Variants in VCL observed in about 807,000 individuals in gnomAD.
The protein encoded by VCL is vinculin, also known as epididymis luminal protein 114.
Under a neutral mutation model 125.7 loss-of-function variants are expected in VCL, and 47 were observed. That is an observed-to-expected ratio of 0.37 (90% CI 0.30 to 0.48). VCL has a LOEUF of 0.48. VCL is among the 20% of genes least tolerant of loss of function. The pLI, the probability that VCL is intolerant of heterozygous loss-of-function variation, is 0.99. For missense variants in VCL, 1,069 were observed against 1,455.5 expected (o/e 0.73, Z 4.32); for synonymous variants, 458 against 514.6 (o/e 0.89, Z 1.49).
chr10:74,070,239 G>A (rs569084784), intron 2 of VCL, among the ~76,000 whole-genome samples: 11 of 152,232 alleles, frequency 7.2e-5, no homozygotes, highest in African/African-American at 9.6e-5. Flanking sequence ...AAGAACTGAA[G>A]GATTTCAGTT....
rs1370592297 is a variant in VCL at position 74,118,398 on chromosome 10, T to C, written c.*229T>C. On this transcript the variant is annotated 3_prime_UTR_variant, in exon 22 of 22. Transcript: ENST00000211998. ...CCTGTATTCTCAAACACAGTTACACTTGTGCACCCTCTATCCCAATAGGCA... is the reference window on the plus strand; with the variant it reads ...CCTGTATTCTCAAACACAGTTACACCTGTGCACCCTCTATCCCAATAGGCA... 5 of 581,504 alleles carry C rather than the reference T, an allele frequency of 8.6e-6. No individual in the cohort carries two copies. Among genetic ancestry groups the C allele is most frequent in the Non-Finnish European group, 1.2e-5 (4 of 327,210 alleles). The allele number at this position is 581,504 out of a possible 1,614,324, so 36.0% of individuals were successfully genotyped here. A position where few individuals can be genotyped will look rare whatever the true frequency, so the allele number is the denominator to read the frequency against.
chr10:74,109,166 G>A lies in VCL; in HGVS notation c.2745+10G>A, dbSNP rs1489786669. 1 of 1,614,030 alleles carries A rather than the reference G, an allele frequency of 6.2e-7. No individual in the cohort carries two copies. The highest frequency in any genetic ancestry group is 2.2e-5 in the East Asian group (1 of 44,880). On this transcript the variant is annotated intron_variant, in intron 18 of 21. Transcript: ENST00000211998. ...CAAATGGTCCAGCAAGGTAAGTAGT[G>A]AAGCTTTTCTTGTTGAGAAAGGATG...
chr10:74,089,102 T>A, intron 8 of VCL, 94 bp from the exon 9 acceptor site: 1 of 1,563,038 alleles, frequency 6.4e-7, no homozygotes, highest in East Asian at 2.3e-5. Context: ...AAGCCAAGCA[T>A]GTTCATGAAA....
At chr10:74,034,807 T>C (rs1338768943) in intron 1 of VCL, among the ~76,000 whole-genome samples, 3 of 152,214 alleles carry the variant, frequency 2.0e-5, no homozygotes, top group Non-Finnish European at 4.4e-5. Context: ...GGATCACAAG[T>C]TCATCACCAC....
intron 1 of VCL, among the ~76,000 whole-genome samples, chr10:74,005,722 A>C (rs921943971): frequency 2.0e-5 from 3 of 152,200 alleles, no homozygotes; most frequent in Non-Finnish European, 4.4e-5. Flanking sequence ...TTACTTACAT[A>C]AAGTGGCATG....
intron 1 of VCL, among the ~76,000 whole-genome samples, chr10:74,000,791 G>A (rs370407618): frequency 6.6e-6 from 1 of 152,168 alleles, no homozygotes; most frequent in Non-Finnish European, 1.5e-5. Flanking sequence ...AATACACACT[G>A]TGAGACAAAT....
intron 1 of VCL, among the ~76,000 whole-genome samples, chr10:74,036,728 G>T (rs1840986915): frequency 6.6e-6 from 1 of 151,236 alleles, no homozygotes. Flanking sequence ...TAAAAAAGAA[G>T]CATTTGTTGA....
intron 2 of VCL, among the ~76,000 whole-genome samples, chr10:74,069,902 C>G (rs1022364249): frequency 6.6e-6 from 1 of 152,162 alleles, no homozygotes; most frequent in Non-Finnish European, 1.5e-5. Flanking sequence ...TTTGGCTGAT[C>G]TGGTTACTTA....
chr10:74,075,602 T>A (rs2136275974), intron 6 of VCL: 1 of 152,870 alleles, frequency 6.5e-6, no homozygotes, highest in East Asian at 1.9e-4. Context: ...GGAACAGAGA[T>A]ACTTGGGTTC....
intron 18 of VCL, among the ~76,000 whole-genome samples, chr10:74,110,313 A>T (rs572781305): frequency 6.6e-6 from 1 of 152,334 alleles, no homozygotes; most frequent in Admixed American, 6.5e-5. Flanking sequence ...TGAATTATTT[A>T]AAAAAACAAA....
intron 14 of VCL, among the ~76,000 whole-genome samples, chr10:74,102,098 C>T (rs369889206): frequency 2.9e-4 from 44 of 152,142 alleles, no homozygotes; most frequent in African/African-American, 1.0e-3. Context: ...AACTCCTGAC[C>T]TCATGATCCG....
intron 6 of VCL, chr10:74,076,284 G>A (rs376062399): frequency 1.3e-5 from 2 of 152,830 alleles, no homozygotes; most frequent in Admixed American, 6.5e-5. Flanking sequence ...GAGACTGACT[G>A]TGGCTCATAT....
At chr10:74,102,963 T>G (rs1840082886) in intron 14 of VCL, among the ~76,000 whole-genome samples, 1 of 150,928 alleles carries the variant, frequency 6.6e-6, no homozygotes, top group Non-Finnish European at 1.5e-5. Context: ...GCCTCCGGGG[T>G]TCAAGCGATT....
At chr10:74,043,225 T>G in intron 2 of VCL, 72 bp downstream of exon 2, 1 of 1,368,670 alleles carries the variant, frequency 7.3e-7, no homozygotes, top group Non-Finnish European at 1.0e-6. Flanking sequence ...GTAGCTGATT[T>G]CAGTAACAAC....
chr10:74,068,181 T>A (rs867849352), intron 2 of VCL, among the ~76,000 whole-genome samples: 25 of 152,364 alleles, frequency 1.6e-4, no homozygotes, highest in Admixed American at 6.5e-4. Context: ...ATCTAGAATG[T>A]ATCCTACAGA....
intron 1 of VCL, 101 bp from the exon 2 acceptor site, chr10:74,042,982 T>C: frequency 1.7e-6 from 2 of 1,199,338 alleles, no homozygotes; most frequent in Non-Finnish European, 2.4e-6. Context: ...GAAACTTTAA[T>C]GATAGATTAT....
intron 1 of VCL, among the ~76,000 whole-genome samples, chr10:74,027,094 A>G (rs1282090015): frequency 6.6e-6 from 1 of 152,212 alleles, no homozygotes; most frequent in African/African-American, 2.4e-5. Flanking sequence ...ATAAGGATGC[A>G]TTTTAAATTC....
intron 1 of VCL, among the ~76,000 whole-genome samples, chr10:74,024,169 G>C (rs1040883982): frequency 2.0e-5 from 3 of 152,108 alleles, no homozygotes; most frequent in Non-Finnish European, 4.4e-5. Flanking sequence ...CTTGAGCAAA[G>C]GAATAGAGTG....
chr10:74,088,203 TG>T (rs1839819170), intron 8 of VCL, among the ~76,000 whole-genome samples: 3 of 152,214 alleles, frequency 2.0e-5, no homozygotes, highest in African/African-American at 7.2e-5. Context: ...CAATCTGGAT[TG>T]TAAAATGAGG....
Sources: gnomAD v4.1 joint callset for allele counts (sites outside exome capture counted in the v4.1 genomes callset) on GRCh38, gnomAD v4.1.1 for gene constraint, MANE v1.5 for transcripts, NCBI Gene and HGNC (gene_info 2026-07-23, HGNC 2026-07-21) for gene names.